PTPRD: variants seen among roughly 807,000 people sequenced by gnomAD.
PTPRD encodes protein tyrosine phosphatase receptor type D.
Under a neutral mutation model 214.5 loss-of-function variants are expected in PTPRD, and 34 were observed. The ratio of observed to expected loss-of-function variants is 0.16; its 90% CI spans 0.12 to 0.21. The LOEUF (loss-of-function observed/expected upper bound fraction) is 0.21. Ranked by LOEUF, PTPRD falls within the 10% of genes least tolerant of loss-of-function variation. The pLI is 1.00. For missense variants in PTPRD, 2,545 were observed against 2,398.7 expected (o/e 1.06, Z -1.27); for synonymous variants, 1,128 against 845.7 (o/e 1.33, Z -5.79).
chr9:8,984,723 C>G (rs1322538364), intron 11 of PTPRD, among the ~76,000 whole-genome samples: 1 of 152,044 alleles, frequency 6.6e-6, no homozygotes, highest in African/African-American at 2.4e-5. Flanking sequence ...TCTTCCTGGT[C>G]TTGGTCCTTT....
intron 20 of PTPRD, among the ~76,000 whole-genome samples, chr9:8,518,928 T>C (rs2138647604): frequency 6.6e-6 from 1 of 152,212 alleles, no homozygotes; most frequent in East Asian, 1.9e-4. Context: ...AATTAGCCCC[T>C]TGCCCCAATA....
At chr9:10,061,398 T>G (rs527328574) in intron 3 of PTPRD, among the ~76,000 whole-genome samples, 1 of 152,230 alleles carries the variant, frequency 6.6e-6, no homozygotes, top group East Asian at 1.9e-4. Context: ...TCAGATTACA[T>G]TGCTTAGCAT....
intron 2 of PTPRD, among the ~76,000 whole-genome samples, chr9:10,411,927 C>A (rs1015026734): frequency 6.6e-6 from 1 of 151,672 alleles, no homozygotes; most frequent in Non-Finnish European, 1.5e-5. Flanking sequence ...ATTAAGAATG[C>A]ATATGGATGA....
chr9:8,866,438 T>A (rs555799789), intron 11 of PTPRD, among the ~76,000 whole-genome samples: 2 of 152,278 alleles, frequency 1.3e-5, no homozygotes, highest in South Asian at 4.1e-4. Flanking sequence ...ATTGTTTTCC[T>A]GATTGGCCCC....
intron 3 of PTPRD, among the ~76,000 whole-genome samples, chr9:10,255,599 G>A (rs533110151): frequency 6.6e-6 from 1 of 151,236 alleles, no homozygotes; most frequent in South Asian, 2.1e-4. Flanking sequence ...GTATGCTTAG[G>A]CTACAGAAAA....
intron 10 of PTPRD, among the ~76,000 whole-genome samples, chr9:9,110,888 TTG>T (rs1228875815): frequency 6.6e-6 from 1 of 152,140 alleles, no homozygotes; most frequent in Non-Finnish European, 1.5e-5. Context: ...CCTGTGGCTT[TTG>T]TGTGTGTTTG....
At chr9:9,793,463 T>A (rs2098981007) in intron 5 of PTPRD, among the ~76,000 whole-genome samples, 1 of 152,250 alleles carries the variant, frequency 6.6e-6, no homozygotes, top group South Asian at 2.1e-4. Context: ...GTATATGTTA[T>A]CAATATAAGT....
chr9:10,233,506 T>C (rs941564519), intron 3 of PTPRD, among the ~76,000 whole-genome samples: 1 of 151,932 alleles, frequency 6.6e-6, no homozygotes, highest in Non-Finnish European at 1.5e-5. Flanking sequence ...TTTAGTTTCA[T>C]CCATTTGAAA....
intron 3 of PTPRD, among the ~76,000 whole-genome samples, chr9:10,180,357 C>T (rs980595242): frequency 3.9e-5 from 6 of 152,008 alleles, no homozygotes; most frequent in East Asian, 3.9e-4. Flanking sequence ...CTGCAACTTC[C>T]TCCCTTTCAT....
chr9:9,372,299 G>A (rs546590343), intron 9 of PTPRD, among the ~76,000 whole-genome samples: 1 of 152,278 alleles, frequency 6.6e-6, no homozygotes, highest in Non-Finnish European at 1.5e-5. Flanking sequence ...GGGTGCTCCT[G>A]TATTGGGTGC....
intron 8 of PTPRD, among the ~76,000 whole-genome samples, chr9:9,566,188 A>C (rs1407560926): frequency 6.6e-6 from 1 of 152,036 alleles, no homozygotes; most frequent in African/African-American, 2.4e-5. Flanking sequence ...TGGACAACAC[A>C]AATCAAACTA....
intron 11 of PTPRD, among the ~76,000 whole-genome samples, chr9:8,915,107 A>C (rs2098775439): frequency 6.6e-6 from 1 of 152,218 alleles, no homozygotes; most frequent in Non-Finnish European, 1.5e-5. Context: ...GAAGACATAT[A>C]TACACAAAAC....
chr9:8,385,514 T>C (rs1419304844), intron 37 of PTPRD, among the ~76,000 whole-genome samples: 1 of 151,948 alleles, frequency 6.6e-6, no homozygotes, highest in Non-Finnish European at 1.5e-5. Flanking sequence ...ACTCTGTCTC[T>C]AAAAGAAAAA....
intron 8 of PTPRD, among the ~76,000 whole-genome samples, chr9:9,547,005 A>C (rs2078960593): frequency 6.6e-6 from 1 of 151,966 alleles, no homozygotes. Context: ...AAAAAATAAA[A>C]AATAAAACCT....
At chr9:10,045,500 A>G (rs2097371836) in intron 3 of PTPRD, among the ~76,000 whole-genome samples, 1 of 151,694 alleles carries the variant, frequency 6.6e-6, no homozygotes, top group African/African-American at 2.4e-5. Flanking sequence ...TGACCTCAGA[A>G]GTATCCATCT....
chr9:8,756,070 G>A (rs962186889), intron 11 of PTPRD, among the ~76,000 whole-genome samples: 1 of 152,146 alleles, frequency 6.6e-6, no homozygotes, highest in African/African-American at 2.4e-5. Flanking sequence ...GAAACTTGAA[G>A]AAAGAATCCA....
At chr9:10,268,786 T>A (rs1216578967) in intron 3 of PTPRD, among the ~76,000 whole-genome samples, 1 of 152,212 alleles carries the variant, frequency 6.6e-6, no homozygotes, top group Admixed American at 6.5e-5. Context: ...TTATGCTACC[T>A]TTTCAACGCT....
At chr9:9,962,578 T>G (rs1229594823) in intron 4 of PTPRD, among the ~76,000 whole-genome samples, 1 of 152,030 alleles carries the variant, frequency 6.6e-6, no homozygotes, top group Non-Finnish European at 1.5e-5. Flanking sequence ...TCCGTTGCCC[T>G]TTTTTTCTAC....
At chr9:10,385,860 AG>A (rs2097904807) in intron 2 of PTPRD, among the ~76,000 whole-genome samples, 1 of 151,870 alleles carries the variant, frequency 6.6e-6, no homozygotes, top group Admixed American at 6.6e-5. Context: ...TTTAAAGTAA[AG>A]CTTAGAACAA....
Sources: allele counts gnomAD v4.1 joint callset (sites outside exome capture counted in the v4.1 genomes callset), GRCh38; gene constraint gnomAD v4.1.1; transcripts MANE v1.5; gene names NCBI Gene and HGNC (gene_info 2026-07-23, HGNC 2026-07-21).